Variants in ARHGAP24 observed in about 807,000 individuals in gnomAD.
ARHGAP24 encodes the protein rho GTPase-activating protein 24.
Under a neutral mutation model 76.4 loss-of-function variants are expected in ARHGAP24, and 50 were observed. The observed-to-expected ratio is 0.65, with a 90% confidence interval of 0.52 to 0.83. The LOEUF is 0.83. Ranked by LOEUF, ARHGAP24 falls within the 40% of genes least tolerant of loss-of-function variation. ARHGAP24 has a pLI of 0.00. For missense variants in ARHGAP24, 930 were observed against 914.2 expected (o/e 1.02, Z -0.22); for synonymous variants, 345 against 323.3 (o/e 1.07, Z -0.72).
chr4:85,822,811 C>T (rs1729537422), intron 3 of ARHGAP24, among the ~76,000 whole-genome samples: 1 of 152,164 alleles, frequency 6.6e-6, no homozygotes, highest in South Asian at 2.1e-4. Flanking sequence ...CACACACATA[C>T]ACACACCTGC....
At chr4:85,514,242 TG>T (rs1724398668) in intron 1 of ARHGAP24, among the ~76,000 whole-genome samples, 1 of 152,152 alleles carries the variant, frequency 6.6e-6, no homozygotes, top group African/African-American at 2.4e-5. Context: ...AGCAGGATGG[TG>T]TCCCAGCTGC....
chr4:85,705,015 A>T (rs1397326068), intron 2 of ARHGAP24, among the ~76,000 whole-genome samples: 1 of 152,054 alleles, frequency 6.6e-6, no homozygotes, highest in Non-Finnish European at 1.5e-5. Flanking sequence ...GCTTTTTATG[A>T]TTGATATACC....
At chr4:85,633,746 A>G (rs1033788687) in intron 2 of ARHGAP24, among the ~76,000 whole-genome samples, 3 of 151,810 alleles carry the variant, frequency 2.0e-5, no homozygotes, top group Admixed American at 2.0e-4. Context: ...TTCAAAAGAC[A>G]TACTTTTAGG....
chr4:85,653,567 A>G (rs563268335), intron 2 of ARHGAP24, among the ~76,000 whole-genome samples: 2 of 152,242 alleles, frequency 1.3e-5, no homozygotes, highest in African/African-American at 2.4e-5. Context: ...TCTGCCTCCC[A>G]GATTCAAGCG....
chr4:85,602,032 C>T (rs1158564333), intron 2 of ARHGAP24, among the ~76,000 whole-genome samples: 1 of 35,634 alleles, frequency 2.8e-5, no homozygotes, highest in Non-Finnish European at 5.6e-5. Context: ...GTGAACAGCC[C>T]ACAAAGGCCC....
chr4:85,764,113 A>G (rs1246297019), intron 3 of ARHGAP24, among the ~76,000 whole-genome samples: 1 of 152,120 alleles, frequency 6.6e-6, no homozygotes, highest in African/African-American at 2.4e-5. Flanking sequence ...CAAGGAGTTT[A>G]CTAACAATGA....
At chr4:85,790,463 T>C (rs576440843) in intron 3 of ARHGAP24, among the ~76,000 whole-genome samples, 6 of 152,304 alleles carry the variant, frequency 3.9e-5, no homozygotes, top group African/African-American at 1.4e-4. Context: ...GGAAACTTAT[T>C]TTTATTGAAA....
At chr4:85,896,160 T>C (rs1734168636) in intron 3 of ARHGAP24, among the ~76,000 whole-genome samples, 1 of 152,202 alleles carries the variant, frequency 6.6e-6, no homozygotes, top group Admixed American at 6.5e-5. Context: ...AAACTCAATT[T>C]CTATGTTTTA....
At chr4:85,881,180 C>T (rs1560692857) in intron 3 of ARHGAP24, among the ~76,000 whole-genome samples, 1 of 152,136 alleles carries the variant, frequency 6.6e-6, no homozygotes, top group Non-Finnish European at 1.5e-5. Context: ...AGCATGGATA[C>T]ACTGGACAAA....
At chr4:85,621,221 T>G (rs902073735) in intron 2 of ARHGAP24, among the ~76,000 whole-genome samples, 1 of 152,080 alleles carries the variant, frequency 6.6e-6, no homozygotes, top group African/African-American at 2.4e-5. Flanking sequence ...AATAGTTCTG[T>G]GATAAACATA....
At chr4:85,695,584 C>T (rs571107682) in intron 2 of ARHGAP24, among the ~76,000 whole-genome samples, 6 of 152,258 alleles carry the variant, frequency 3.9e-5, no homozygotes, top group Non-Finnish European at 7.4e-5. Context: ...AGGATTTGTA[C>T]TCAATTTGAT....
At chr4:85,824,976 G>C (rs532806110) in intron 3 of ARHGAP24, among the ~76,000 whole-genome samples, 291 of 152,228 alleles carry the variant, frequency 1.9e-3, no homozygotes, top group African/African-American at 6.9e-3. Flanking sequence ...TGTAATCCCA[G>C]CTACTAGGGA....
chr4:85,919,037 A>C (rs1256444989), intron 3 of ARHGAP24, among the ~76,000 whole-genome samples: 1 of 152,240 alleles, frequency 6.6e-6, no homozygotes, highest in African/African-American at 2.4e-5. Flanking sequence ...TTGTTCACGT[A>C]ACATGAATAT....
At chr4:85,638,790 C>T (rs182386154) in intron 2 of ARHGAP24, among the ~76,000 whole-genome samples, 122 of 152,246 alleles carry the variant, frequency 8.0e-4, no homozygotes, top group African/African-American at 2.8e-3. Context: ...ACACCCTGTT[C>T]TTCAAATAAA....
intron 1 of ARHGAP24, among the ~76,000 whole-genome samples, chr4:85,558,531 G>T (rs1200532797): frequency 6.6e-6 from 1 of 151,916 alleles, no homozygotes; most frequent in Non-Finnish European, 1.5e-5. Context: ...TAATATGAAT[G>T]ATGCTATTAT....
chr4:85,675,836 GTCA>G (rs1722961968), intron 2 of ARHGAP24, among the ~76,000 whole-genome samples: 1 of 152,146 alleles, frequency 6.6e-6, no homozygotes, highest in Non-Finnish European at 1.5e-5. Context: ...TCCACTCAAA[GTCA>G]TCAGGCAGGA....
intron 3 of ARHGAP24, among the ~76,000 whole-genome samples, chr4:85,852,979 G>A (rs529057111): frequency 1.1e-4 from 17 of 152,318 alleles, no homozygotes; most frequent in Admixed American, 3.9e-4. Context: ...CTCAAACACC[G>A]TGCTGGGAGA....
At chr4:85,630,246 T>G (rs1721115420) in intron 2 of ARHGAP24, among the ~76,000 whole-genome samples, 1 of 152,220 alleles carries the variant, frequency 6.6e-6, no homozygotes, top group Non-Finnish European at 1.5e-5. Context: ...GTTCATATGT[T>G]GTTTTCCTGG....
chr4:85,523,514 G>T (rs1053060481), intron 1 of ARHGAP24, among the ~76,000 whole-genome samples: 1 of 152,132 alleles, frequency 6.6e-6, no homozygotes, highest in South Asian at 2.1e-4. Context: ...AAATATAAAT[G>T]TTTATTATTT....
Sources: allele counts gnomAD v4.1 joint callset (sites outside exome capture counted in the v4.1 genomes callset), GRCh38; gene constraint gnomAD v4.1.1; transcripts MANE v1.5; gene names NCBI Gene and HGNC (gene_info 2026-07-23, HGNC 2026-07-21).